Variants in GLIS3 observed in about 807,000 individuals in gnomAD.
GLIS3 encodes zinc finger protein GLIS3.
GLIS3 carries 53 observed loss-of-function variants against 78.6 expected under a neutral mutation model. That is an observed-to-expected ratio of 0.67 (90% CI 0.54 to 0.85). The LOEUF is 0.85. Ranked by LOEUF, GLIS3 falls within the 40% of genes least tolerant of loss-of-function variation. The probability of loss-of-function intolerance (pLI) is 0.00; values close to 1 mark genes in which losing one functional copy is unlikely to be tolerated. For synonymous variants in GLIS3, 684 were observed against 509.9 expected (o/e 1.34, Z -4.60); for missense variants, 1,703 against 1,231.1 (o/e 1.38, Z -5.74).
chr9:4,162,196 G>C (rs926199382), intron 2 of GLIS3, among the ~76,000 whole-genome samples: 9 of 152,046 alleles, frequency 5.9e-5, no homozygotes, highest in African/African-American at 1.7e-4. Flanking sequence ...CTGCATTCTT[G>C]TCTCTGTGTC....
At chr9:4,446,047 T>C in the GLIS3 span, among the ~76,000 whole-genome samples, 700 of 152,336 alleles carry the variant, frequency 4.6e-3, 7 homozygotes, top group African/African-American at 0.016. Flanking sequence ...ATTTCAATTT[T>C]CAAGATAATG....
chr9:3,856,843 G>A (rs1050531748), intron 8 of GLIS3, among the ~76,000 whole-genome samples: 1 of 152,146 alleles, frequency 6.6e-6, no homozygotes, highest in South Asian at 2.1e-4. Context: ...AGTCACATGC[G>A]CCAATCACAG....
chr9:4,125,591 A>C, intron 3 of GLIS3, 143 bp downstream of exon 3: 1 of 732,420 alleles, frequency 1.4e-6, no homozygotes, highest in Admixed American at 2.0e-5. Flanking sequence ...ATTCCCCTAC[A>C]AACCTCAAAT....
chr9:4,483,673 T>G, the GLIS3 span, among the ~76,000 whole-genome samples: 1 of 148,474 alleles, frequency 6.7e-6, no homozygotes, highest in Non-Finnish European at 1.5e-5. Context: ...TGAGCCGATA[T>G]CATGCCACTG....
chr9:4,320,527 A>G (rs1427556744), intron 2 of GLIS3, among the ~76,000 whole-genome samples: 3 of 152,168 alleles, frequency 2.0e-5, no homozygotes, highest in Non-Finnish European at 2.9e-5. Flanking sequence ...AATTCTGTAG[A>G]TTTTACTTCT....
At chr9:3,883,439 A>C (rs867437105) in intron 7 of GLIS3, among the ~76,000 whole-genome samples, 1 of 152,340 alleles carries the variant, frequency 6.6e-6, no homozygotes. Flanking sequence ...AGGTTTTGCC[A>C]AGTGATTTTT....
chr9:4,439,493 T>C, the GLIS3 span, among the ~76,000 whole-genome samples: 1 of 152,194 alleles, frequency 6.6e-6, no homozygotes, highest in Non-Finnish European at 1.5e-5. Context: ...TATGTTTGCC[T>C]ATTCTGGGCA....
intron 2 of GLIS3, among the ~76,000 whole-genome samples, chr9:4,126,928 C>G (rs976879079): frequency 1.3e-5 from 2 of 152,020 alleles, no homozygotes; most frequent in Non-Finnish European, 2.9e-5. Flanking sequence ...TATTTGGGAT[C>G]GAAGTAGGAA....
At chr9:4,198,093 A>C (rs963488628) in intron 2 of GLIS3, among the ~76,000 whole-genome samples, 1 of 152,206 alleles carries the variant, frequency 6.6e-6, no homozygotes, top group Admixed American at 6.5e-5. Flanking sequence ...GCACCAAGAA[A>C]TATCTGAATG....
At chr9:4,349,959 G>T (rs1487879772), upstream of GLIS3, among the ~76,000 whole-genome samples, 1 of 152,216 alleles carries the variant, frequency 6.6e-6, no homozygotes, top group African/African-American at 2.4e-5. Context: ...AGAGGCTGTG[G>T]GTGGGCAGCC....
chr9:4,245,663 G>A (rs1453448719), intron 2 of GLIS3, among the ~76,000 whole-genome samples: 2 of 152,136 alleles, frequency 1.3e-5, no homozygotes, highest in African/African-American at 4.8e-5. Flanking sequence ...TTTGAAAACT[G>A]ATATAATTTT....
At chr9:4,484,172 T>C in the GLIS3 span, among the ~76,000 whole-genome samples, 1 of 152,168 alleles carries the variant, frequency 6.6e-6, no homozygotes, top group African/African-American at 2.4e-5. Flanking sequence ...CTGACTCTAC[T>C]TGGCTTCTAA....
At chr9:4,095,525 G>T (rs1441435543) in intron 4 of GLIS3, among the ~76,000 whole-genome samples, 1 of 152,178 alleles carries the variant, frequency 6.6e-6, no homozygotes, top group East Asian at 1.9e-4. Context: ...CAACAGTAAG[G>T]ATTACTGAAT....
At chr9:3,872,362 T>C (rs946250328) in intron 8 of GLIS3, among the ~76,000 whole-genome samples, 66 of 152,356 alleles carry the variant, frequency 4.3e-4, no homozygotes, top group African/African-American at 1.6e-3. Context: ...CACCCCACTC[T>C]ACTGGTAGCA....
chr9:3,940,824 A>C (rs576542593), intron 4 of GLIS3, among the ~76,000 whole-genome samples: 7 of 152,144 alleles, frequency 4.6e-5, no homozygotes, highest in Non-Finnish European at 8.8e-5. Flanking sequence ...TATGTTAGTA[A>C]TTGTATCTAC....
the GLIS3 span, among the ~76,000 whole-genome samples, chr9:4,459,230 T>A: frequency 1.3e-5 from 2 of 152,090 alleles, no homozygotes; most frequent in Admixed American, 1.3e-4. Context: ...ATACTGAATA[T>A]ATGTGAAGGT....
At chr9:4,212,577 C>G (rs747274260) in intron 2 of GLIS3, among the ~76,000 whole-genome samples, 1 of 152,124 alleles carries the variant, frequency 6.6e-6, no homozygotes, top group South Asian at 2.1e-4. Flanking sequence ...ACACAGGTGG[C>G]GCCTCTCACC....
chr9:4,118,832 C>T lies in GLIS3; in HGVS notation c.646G>A (p.Glu216Lys). The T allele has an allele frequency of 6.2e-7, 1 of 1,606,086 alleles. No individual in the cohort carries two copies. Among genetic ancestry groups the T allele is most frequent in the Non-Finnish European group, 8.5e-7 (1 of 1,179,978 alleles). ...SLASTTLSLT[E>K]SQSASSMKQE... Reference sequence around the variant, plus strand: ...TTCATGCTTGAGGCCGACTGACTTTCCGTCAGACTCAAGGTCGTGGACGCC... The same window carrying T: ...TTCATGCTTGAGGCCGACTGACTTTTCGTCAGACTCAAGGTCGTGGACGCC... The change falls in exon 4 of 11, where the codon GAA (glutamate) becomes AAA (lysine). Residue 216 changes from glutamate (E) to lysine (K), a missense_variant. Physicochemically the swap from Glu to Lys is moderately conservative, Grantham distance 56. Coordinates refer to ENST00000381971, the MANE Select transcript of GLIS3 (RefSeq NM_001042413.2). This position sits in a 1 kb window ranked among gnomAD's most constrained non-coding sequence, Gnocchi z 4.7.
chr9:3,932,449 G>C lies in GLIS3; in HGVS notation c.1894C>G (p.Pro632Ala), dbSNP rs372131708. The part of the protein sequence containing the change: ...LDTKPYACQI[P>A]GCTKRYTDPS... ...TCTGTGTAGCGTTTGGTACATCCTGGAATTTGACAAGCATAAGGTTTCTAA... is the reference window on the plus strand; with the variant it reads ...TCTGTGTAGCGTTTGGTACATCCTGCAATTTGACAAGCATAAGGTTTCTAA... Residue 632 changes from proline to alanine, a missense_variant, in exon 6 of 11, where the codon CCA (proline) becomes GCA (alanine). Coordinates refer to ENST00000381971, the MANE Select transcript of GLIS3 (RefSeq NM_001042413.2). 3 of 1,613,160 alleles carry C rather than the reference G, an allele frequency of 1.9e-6. No individual in the cohort carries two copies. The African/African-American group carries it at 4.0e-5, about 22-fold the overall frequency.
Sources: gnomAD v4.1 joint callset for allele counts (sites outside exome capture counted in the v4.1 genomes callset) on GRCh38, gnomAD v4.1.1 for gene constraint, Gnocchi (gnomAD v3.1) non-coding constraint, MANE v1.5 for transcripts, NCBI Gene and HGNC (gene_info 2026-07-23, HGNC 2026-07-21) for gene names.